The following STAG1 variants were observed in gnomAD, a reference collection of about 807,000 sequenced individuals.
The protein encoded by STAG1 is STAG1 cohesin complex component.
STAG1 carries 26 observed loss-of-function variants against 170.9 expected under a neutral mutation model. That is an observed-to-expected ratio of 0.15 (90% confidence interval 0.11 to 0.21). The LOEUF is 0.21. Among genes scored for constraint, STAG1 ranks in the 10% least tolerant of loss-of-function variants. The pLI is 1.00. For missense variants in STAG1, 964 were observed against 1,509.5 expected (o/e 0.64, Z 5.99); for synonymous variants, 514 against 497.7 (o/e 1.03, Z -0.44).
chr3:136,455,866 G>A (rs1311020950), intron 13 of STAG1, among the ~76,000 whole-genome samples: 5 of 152,214 alleles, frequency 3.3e-5, no homozygotes, highest in Non-Finnish European at 7.3e-5. Context: ...CAGCAATATA[G>A]TTCCAGGGAA....
chr3:136,710,661 A>G (rs1472927925), intron 1 of STAG1, among the ~76,000 whole-genome samples: 1 of 152,170 alleles, frequency 6.6e-6, no homozygotes, highest in East Asian at 1.9e-4. Context: ...TACCTAACCC[A>G]AAATAAAGTT....
At chr3:136,745,709 G>C (rs552994626) in intron 1 of STAG1, among the ~76,000 whole-genome samples, 1 of 152,324 alleles carries the variant, frequency 6.6e-6, no homozygotes, top group South Asian at 2.1e-4. Context: ...CCACAGCCCA[G>C]TGGTTGGGGA....
chr3:136,575,112 T>C (rs2107770661), intron 4 of STAG1, among the ~76,000 whole-genome samples: 1 of 152,300 alleles, frequency 6.6e-6, no homozygotes, highest in East Asian at 1.9e-4. Context: ...CCACCTACAG[T>C]AGTGTTTACA....
intron 1 of STAG1, among the ~76,000 whole-genome samples, chr3:136,662,782 C>T (rs1039148260): frequency 6.6e-6 from 1 of 152,136 alleles, no homozygotes; most frequent in African/African-American, 2.4e-5. Flanking sequence ...TGGGCATGGT[C>T]GCTAACATCT....
rs564284508 is a variant in STAG1 at position 136,501,907 on chromosome 3, C to T, written c.828+721G>A. 2.0e-5 allele frequency among the ~76,000 whole-genome samples: 3 copies of T among 152,174 alleles called. No individual in the cohort carries two copies. In the South Asian group the frequency reaches 6.2e-4, roughly 32 times the overall value. On this transcript the variant is annotated intron_variant, in intron 8 of 33. Coordinates refer to ENST00000383202, the MANE Select transcript of STAG1 (RefSeq NM_005862.3). ...TATTAAAAACCCAGTATAGGCCGGG[C>T]ACAGTGGCTCATGCCTGTAATCTCA...
At chr3:136,685,318 AAAACAAAC>A (rs142305961) in intron 1 of STAG1, among the ~76,000 whole-genome samples, 15,458 of 151,724 alleles carry the variant, frequency 0.1, 900 homozygotes, top group Non-Finnish European at 0.14. Context: ...TTCCTCTCCA[AAAACAAAC>A]AAACAAACAA....
intron 1 of STAG1, among the ~76,000 whole-genome samples, chr3:136,715,715 A>G (rs1943522741): frequency 6.6e-6 from 1 of 152,232 alleles, no homozygotes; most frequent in Admixed American, 6.5e-5. Context: ...CGTTTTTACA[A>G]AAGGCAAATA....
At chr3:136,692,240 G>A (rs1942750209) in intron 1 of STAG1, among the ~76,000 whole-genome samples, 2 of 147,210 alleles carry the variant, frequency 1.4e-5, no homozygotes, top group Admixed American at 1.4e-4. Flanking sequence ...CTTAAAATCA[G>A]GAGGAAGAGG....
At chr3:136,702,131 CAGAG>C (rs1301130010) in intron 1 of STAG1, among the ~76,000 whole-genome samples, 3 of 89,606 alleles carry the variant, frequency 3.3e-5, no homozygotes, top group East Asian at 2.5e-4. Context: ...GACAGAGAGA[CAGAG>C]AGACAGAGAG....
chr3:136,751,509 G>A (rs1210966935), intron 1 of STAG1, among the ~76,000 whole-genome samples: 2 of 151,992 alleles, frequency 1.3e-5, no homozygotes, highest in Non-Finnish European at 2.9e-5. Context: ...GCTTAGGCCT[G>A]GACACGTTTC....
chr3:136,450,528 TCTTCTCCAATTTTAATTTTCATATAGG>T (rs1479110837), intron 14 of STAG1, among the ~76,000 whole-genome samples: 1 of 152,188 alleles, frequency 6.6e-6, no homozygotes, highest in Non-Finnish European at 1.5e-5. Context: ...CTGACTGAGT[TCTTCTCCAATTTTAATTTTCATATAGG>T]CTACCTGTTT....
chr3:136,739,520 G>GAA (rs1324004295), intron 1 of STAG1, among the ~76,000 whole-genome samples: 21 of 120,732 alleles, frequency 1.7e-4, no homozygotes, highest in African/African-American at 5.6e-4. Flanking sequence ...AAAAAAAAAA[G>GAA]AAAAAAAAAA....
intron 5 of STAG1, among the ~76,000 whole-genome samples, chr3:136,565,106 AAG>A (rs1296496862): frequency 2.8e-5 from 2 of 71,498 alleles, no homozygotes; most frequent in African/African-American, 5.5e-5. Flanking sequence ...AGGAAAGAGA[AAG>A]AGAGAGAAAG....
At chr3:136,506,808 G>A (rs1933794339) in intron 7 of STAG1, among the ~76,000 whole-genome samples, 1 of 152,078 alleles carries the variant, frequency 6.6e-6, no homozygotes, top group Non-Finnish European at 1.5e-5. Flanking sequence ...ACACACATTT[G>A]GAAGTCATTA....
chr3:136,433,475 T>C (rs552392967), intron 16 of STAG1, 81 bp downstream of exon 16: 1 of 960,180 alleles, frequency 1.0e-6, no homozygotes, highest in Non-Finnish European at 1.6e-6. Flanking sequence ...GGGATACAAA[T>C]ATCAGTAAAA....
intron 25 of STAG1, among the ~76,000 whole-genome samples, chr3:136,366,678 C>T (rs1937085100): frequency 6.6e-6 from 1 of 152,112 alleles, no homozygotes; most frequent in South Asian, 2.1e-4. Flanking sequence ...CTGAGCCCTG[C>T]TTTTTCAGAG....
intron 13 of STAG1, among the ~76,000 whole-genome samples, chr3:136,456,984 G>A (rs2089130582): frequency 6.6e-6 from 1 of 152,176 alleles, no homozygotes; most frequent in Non-Finnish European, 1.5e-5. Flanking sequence ...CAACACCAGA[G>A]CTGCCTTATA....
At chr3:136,608,359 T>C (rs1017274863) in intron 3 of STAG1, among the ~76,000 whole-genome samples, 1 of 148,760 alleles carries the variant, frequency 6.7e-6, no homozygotes, top group African/African-American at 2.5e-5. Context: ...CTGAGCAACA[T>C]GGCAAAAGCC....
intron 6 of STAG1, among the ~76,000 whole-genome samples, chr3:136,540,351 TA>T (rs1321258122): frequency 6.6e-6 from 1 of 152,062 alleles, no homozygotes; most frequent in African/African-American, 2.4e-5. Flanking sequence ...ATGGTGATTT[TA>T]AAAAAGTCTT....
Sources: gnomAD v4.1 joint callset for allele counts (sites outside exome capture counted in the v4.1 genomes callset) on GRCh38, gnomAD v4.1.1 for gene constraint, MANE v1.5 for transcripts, NCBI Gene and HGNC (gene_info 2026-07-23, HGNC 2026-07-21) for gene names.